The following ATP8B4 variants were observed in gnomAD, a reference collection of about 807,000 sequenced individuals.
The protein encoded by ATP8B4 is ATPase phospholipid transporting 8B4 (putative).
In ATP8B4, 133 loss-of-function variants were observed where a neutral mutation model predicts 145.6. The ratio of observed to expected loss-of-function variants is 0.91; its 90% confidence interval spans 0.79 to 1.05. The LOEUF is 1.05. Ranked by LOEUF, ATP8B4 falls within the 50% of genes least tolerant of loss-of-function variation. The pLI is 0.00. For missense variants in ATP8B4, 1,458 were observed against 1,425.2 expected, an observed-to-expected ratio of 1.02 and a Z score of -0.37; for synonymous variants, 507 against 492.9, an observed-to-expected ratio of 1.03 and a Z score of -0.38.
chr15:50,171,736 A>G (rs533461012), intron 1 of ATP8B4, among the ~76,000 whole-genome samples: 13,497 of 152,218 alleles, frequency 0.089, 786 homozygotes, highest in African/African-American at 0.15. Context: ...ATTGAAACAA[A>G]CAAACAAACA....
intron 13 of ATP8B4, among the ~76,000 whole-genome samples, chr15:49,971,296 T>C (rs1196001253): frequency 6.6e-6 from 1 of 152,176 alleles, no homozygotes; most frequent in African/African-American, 2.4e-5. Flanking sequence ...AAAGAGCTTC[T>C]GCACAGCAAA....
chr15:50,017,932 G>A lies in ATP8B4; in HGVS notation c.363-7015C>T, dbSNP rs1177912098. ...ATGTCACTTCAAAATAAGTTGTAAT[G>A]TTTATCATCCCTAGTTCCTCAAAAA... On this transcript the variant is annotated intron_variant, in intron 6 of 27. Coordinates refer to ENST00000284509, the MANE Select transcript of ATP8B4 (RefSeq NM_024837.4). 4.0e-5 allele frequency among the ~76,000 whole-genome samples: 6 copies of A among 151,342 alleles called. No homozygotes were observed. In the East Asian group the frequency reaches 1.2e-3, roughly 29 times the overall value.
chr15:50,059,540 A>AAATG (rs2052853336), intron 3 of ATP8B4, among the ~76,000 whole-genome samples: 1 of 152,168 alleles, frequency 6.6e-6, no homozygotes, highest in African/African-American at 2.4e-5. Context: ...ATGAATGAAC[A>AAATG]AATGAATGAA....
chr15:49,899,959 A>G (rs530153155), intron 21 of ATP8B4, among the ~76,000 whole-genome samples: 2 of 152,252 alleles, frequency 1.3e-5, no homozygotes, highest in South Asian at 2.1e-4. Flanking sequence ...TCACCTGAGT[A>G]CTCTTAATGT....
intron 20 of ATP8B4, among the ~76,000 whole-genome samples, chr15:49,902,462 A>C (rs1228425337): frequency 1.3e-5 from 2 of 152,250 alleles, no homozygotes; most frequent in Non-Finnish European, 2.9e-5. Flanking sequence ...AAAAAGATAC[A>C]TTAACTTCTA....
intron 20 of ATP8B4, among the ~76,000 whole-genome samples, chr15:49,904,923 G>A (rs913020588): frequency 1.3e-5 from 2 of 152,174 alleles, no homozygotes; most frequent in Non-Finnish European, 2.9e-5. Flanking sequence ...AACAAAACAC[G>A]TGATCAATGC....
chr15:49,947,996 A>T (rs997026447), intron 14 of ATP8B4, among the ~76,000 whole-genome samples: 1 of 152,186 alleles, frequency 6.6e-6, no homozygotes, highest in Non-Finnish European at 1.5e-5. Context: ...TTGAAACATA[A>T]TCCCTGCAAC....
At chr15:50,127,387 C>T (rs966036502) in intron 1 of ATP8B4, among the ~76,000 whole-genome samples, 8 of 152,218 alleles carry the variant, frequency 5.3e-5, no homozygotes, top group African/African-American at 1.4e-4. Flanking sequence ...TAACAATGGC[C>T]TTCCTCTACT....
chr15:49,939,723 G>A (rs2153475608), intron 14 of ATP8B4, among the ~76,000 whole-genome samples: 1 of 152,254 alleles, frequency 6.6e-6, no homozygotes, highest in Admixed American at 6.5e-5. Context: ...AAAAAATTGA[G>A]CAGGATGGAC....
chr15:49,892,701 T>A (rs1333251784), intron 23 of ATP8B4, among the ~76,000 whole-genome samples: 1 of 152,208 alleles, frequency 6.6e-6, no homozygotes, highest in Non-Finnish European at 1.5e-5. Context: ...CAGCGTTCCA[T>A]GCAAAATGAG....
intron 14 of ATP8B4, among the ~76,000 whole-genome samples, chr15:49,949,732 T>C (rs1422319813): frequency 6.6e-6 from 1 of 152,138 alleles, no homozygotes; most frequent in Non-Finnish European, 1.5e-5. Context: ...AGAGAGGGCA[T>C]CTTGCACTGG....
chr15:49,934,382 C>T (rs757012130), intron 14 of ATP8B4, among the ~76,000 whole-genome samples, 200 bp from the exon 15 acceptor site: 1 of 151,988 alleles, frequency 6.6e-6, no homozygotes, highest in Admixed American at 6.6e-5. Flanking sequence ...AGTGAACTTT[C>T]CAAAAGTATA....
Position 49,859,905 on chromosome 15 carries a change from G to A in ATP8B4, c.*289C>T. 2.9e-6 allele frequency: 1 copy of A among 344,806 alleles called. No individual in the cohort carries two copies. Among genetic ancestry groups the A allele is most frequent in the Non-Finnish European group, 5.2e-6 (1 of 192,516 alleles). The allele number at this position is 344,806 out of a possible 1,614,324, so 21.4% of individuals were successfully genotyped here. On this transcript the variant is annotated 3_prime_UTR_variant, in exon 28 of 28. Coordinates refer to ENST00000284509, the MANE Select transcript of ATP8B4 (RefSeq NM_024837.4). ...TTTTCTCCATAAATAAGATTCTAAA[G>A]TTCAGGTCAATTGGTATCTAGGTTG...
chr15:50,016,322 A>C (rs1384711771), intron 6 of ATP8B4, among the ~76,000 whole-genome samples: 1 of 152,220 alleles, frequency 6.6e-6, no homozygotes, highest in Non-Finnish European at 1.5e-5. Context: ...AATTCAGAAG[A>C]AAATGATTTC....
At chr15:50,099,483 G>A (rs538928781) in intron 2 of ATP8B4, among the ~76,000 whole-genome samples, 13 of 152,102 alleles carry the variant, frequency 8.5e-5, no homozygotes, top group South Asian at 2.1e-4. Context: ...GTCTCACTGC[G>A]TGGCCCACTC....
intron 20 of ATP8B4, among the ~76,000 whole-genome samples, chr15:49,913,004 A>G (rs2039384751): frequency 6.6e-6 from 1 of 151,862 alleles, no homozygotes; most frequent in South Asian, 2.1e-4. Flanking sequence ...GGTGGCTTAT[A>G]CCTGTAGTCC....
chr15:49,957,085 T>C (rs963395374), intron 14 of ATP8B4, among the ~76,000 whole-genome samples: 1 of 152,148 alleles, frequency 6.6e-6, no homozygotes, highest in African/African-American at 2.4e-5. Context: ...GTTGATTTCC[T>C]CATTTTGGTA....
chr15:49,861,207 T>C (rs1158866498), intron 27 of ATP8B4, among the ~76,000 whole-genome samples: 1 of 152,138 alleles, frequency 6.6e-6, no homozygotes, highest in Non-Finnish European at 1.5e-5. Context: ...AAGCAGAACA[T>C]CACGATCAAA....
intron 20 of ATP8B4, among the ~76,000 whole-genome samples, chr15:49,915,910 G>A (rs2039692814): frequency 6.6e-6 from 1 of 151,078 alleles, no homozygotes; most frequent in African/African-American, 2.4e-5. Flanking sequence ...AAGTAGTGGT[G>A]CTGACTTTTA....
Sources: allele counts gnomAD v4.1 joint callset (sites outside exome capture counted in the v4.1 genomes callset), GRCh38; gene constraint gnomAD v4.1.1; transcripts MANE v1.5; gene names NCBI Gene and HGNC (gene_info 2026-07-23, HGNC 2026-07-21).